Variants in IL7R observed in about 807,000 individuals in gnomAD.
The protein encoded by IL7R is interleukin-7 receptor subunit alpha.
Under a neutral mutation model 47.0 loss-of-function variants are expected in IL7R, and 38 were observed. That is an observed-to-expected ratio of 0.81 (90% CI 0.62 to 1.06). The LOEUF is 1.06. IL7R is among the 50% of genes least tolerant of loss of function. The pLI, the probability that IL7R is intolerant of heterozygous loss-of-function variation, is 0.00. For missense variants in IL7R, 633 were observed against 534.8 expected (o/e 1.18, Z -1.81); for synonymous variants, 221 against 199.8 (o/e 1.11, Z -0.89).
intron 3 of IL7R, among the ~76,000 whole-genome samples, chr5:35,870,661 A>T (rs904069063): frequency 2.0e-5 from 3 of 152,196 alleles, no homozygotes; most frequent in African/African-American, 4.8e-5. Context: ...CTCACATCAG[A>T]GTCAAAATGG....
chr5:35,862,521 A>C (rs1007011311), intron 2 of IL7R, among the ~76,000 whole-genome samples: 4 of 152,146 alleles, frequency 2.6e-5, no homozygotes, highest in African/African-American at 9.7e-5. Flanking sequence ...CAGATATTTC[A>C]GTTGGAAAGG....
At chr5:35,875,220 G>T (rs1315155729) in intron 6 of IL7R, among the ~76,000 whole-genome samples, 2 of 152,178 alleles carry the variant, frequency 1.3e-5, no homozygotes, top group African/African-American at 4.8e-5. Context: ...TTACCTCCTT[G>T]CAAGCCTTGG....
chr5:35,870,001 G>C (rs1036658880), intron 3 of IL7R, among the ~76,000 whole-genome samples: 3 of 152,150 alleles, frequency 2.0e-5, no homozygotes, highest in African/African-American at 7.2e-5. Flanking sequence ...ATTTTATTGG[G>C]CCGGCAAGTA....
At chr5:35,857,133 CAG>C in intron 1 of IL7R, 74 bp downstream of exon 1, 1 of 933,236 alleles carries the variant, frequency 1.1e-6, no homozygotes, top group South Asian at 1.3e-5. Context: ...AGTTCCCTAA[CAG>C]ACCTGAGTCA....
intron 4 of IL7R, among the ~76,000 whole-genome samples, chr5:35,871,766 G>A (rs891843410): frequency 6.6e-6 from 1 of 152,172 alleles, no homozygotes; most frequent in Admixed American, 6.5e-5. Flanking sequence ...ATTTGTTGAG[G>A]TTGGAATGAT....
At chr5:35,870,571 A>C (rs938414652) in intron 3 of IL7R, among the ~76,000 whole-genome samples, 1 of 152,250 alleles carries the variant, frequency 6.6e-6, no homozygotes, top group Non-Finnish European at 1.5e-5. Context: ...GATGTGTTTT[A>C]GTGTAAAATT....
At chr5:35,863,648 T>C (rs1490031974) in intron 2 of IL7R, among the ~76,000 whole-genome samples, 1 of 152,016 alleles carries the variant, frequency 6.6e-6, no homozygotes, top group African/African-American at 2.4e-5. Context: ...GCCCAGATCT[T>C]CACTTCCAAT....
rs781675111 is a variant in IL7R at position 35,867,410 on chromosome 5, T to C, written c.326T>C (p.Val109Ala). 1 of 1,613,430 alleles carries C rather than the reference T, an allele frequency of 6.2e-7. No homozygotes were observed. The highest frequency in any genetic ancestry group is 1.1e-5 in the South Asian group (1 of 91,060). ...CTGATTGGAAAGAGCAATATATGTG[T>C]GAAGGTTGGAGAAAAGAGTCTAACC... ...FLLIGKSNIC[V>A]KVGEKSLTCK... Residue 109 changes from valine (V) to alanine (A), a missense_variant, in exon 3 of 8, where the codon GTG becomes GCG. By Grantham distance (64) the Val-to-Ala change is moderately conservative. Coordinates refer to ENST00000303115, the MANE Select transcript of IL7R (RefSeq NM_002185.5).
Position 35,877,591 on chromosome 5 carries a change from C to T in IL7R, c.*1105C>T, listed in dbSNP as rs563697159. The stretch of plus-strand genomic sequence containing the variant: ...GAGTGAGAGGAGGCATGACCCCTCC[C>T]ATGTGTATAGACACTACCCCAACCT... On this transcript the variant is annotated 3_prime_UTR_variant, in exon 8 of 8. Coordinates refer to ENST00000303115, the MANE Select transcript of IL7R (RefSeq NM_002185.5). The T allele has an allele frequency of 1.3e-5, 3 of 233,132 alleles. No individual in the cohort carries two copies. Among genetic ancestry groups the T allele is most frequent in the African/African-American group, 6.6e-5 (3 of 45,436 alleles). The allele number at this position is 233,132 out of a possible 1,614,324, so 14.4% of individuals were successfully genotyped here.
intron 1 of IL7R, among the ~76,000 whole-genome samples, chr5:35,857,962 G>C (rs981541114): frequency 1.3e-5 from 2 of 152,120 alleles, no homozygotes; most frequent in African/African-American, 2.4e-5. Context: ...ATGTAATTAC[G>C]AAGGATGGAA....
chr5:35,871,749 C>A (rs749429110), intron 4 of IL7R, among the ~76,000 whole-genome samples: 5 of 152,140 alleles, frequency 3.3e-5, no homozygotes, highest in Non-Finnish European at 7.3e-5. Context: ...TAGATGCTCT[C>A]TTCATGATTT....
chr5:35,872,181 A>C (rs1224243103), intron 4 of IL7R, among the ~76,000 whole-genome samples: 1 of 152,218 alleles, frequency 6.6e-6, no homozygotes, highest in Non-Finnish European at 1.5e-5. Flanking sequence ...ACTAAAAAGA[A>C]AAATAGATAA....
intron 3 of IL7R, among the ~76,000 whole-genome samples, chr5:35,870,560 G>A (rs900295514): frequency 6.6e-6 from 1 of 152,210 alleles, no homozygotes; most frequent in Admixed American, 6.5e-5. Flanking sequence ...AAGGCAAAGT[G>A]GATGTGTTTT....
intron 2 of IL7R, among the ~76,000 whole-genome samples, chr5:35,861,757 C>T (rs973041433): frequency 6.6e-6 from 1 of 152,142 alleles, no homozygotes; most frequent in Non-Finnish European, 1.5e-5. Context: ...TTATCTTCTC[C>T]TTCTCCTTCA....
At chr5:35,860,331 A>C (rs561097120) in intron 1 of IL7R, among the ~76,000 whole-genome samples, 17 of 152,328 alleles carry the variant, frequency 1.1e-4, no homozygotes, top group Admixed American at 5.2e-4. Context: ...CTCTTAAAAA[A>C]GCAAAATTCT....
At chr5:35,862,950 T>G (rs767553653) in intron 2 of IL7R, among the ~76,000 whole-genome samples, 1 of 152,106 alleles carries the variant, frequency 6.6e-6, no homozygotes, top group Non-Finnish European at 1.5e-5. Flanking sequence ...AACATTACCA[T>G]CTTCAGATCT....
chr5:35,867,528 C>T (rs746651789), intron 3 of IL7R, 65 bp downstream of exon 3: 1 of 1,299,486 alleles, frequency 7.7e-7, no homozygotes, highest in Non-Finnish European at 1.1e-6. Context: ...TGTGTCTGGA[C>T]ATTCTGTAGG....
Position 35,874,446 on chromosome 5 carries a change from C to T in IL7R, c.707-3C>T. 6.2e-7 allele frequency: 1 copy of T among 1,600,094 alleles called. No homozygotes were observed. The highest frequency in any genetic ancestry group is 8.6e-7 in the Non-Finnish European group (1 of 1,167,190). ...CTCACCACAATCTATTCTTGCTTTC[C>T]AGGGGAGATGGATCCTATCTTACTA... On this transcript the variant is annotated splice_region_variant and splice_polypyrimidine_tract_variant and intron_variant, in intron 5 of 7. Coordinates refer to ENST00000303115, the MANE Select transcript of IL7R (RefSeq NM_002185.5).
At position 35,860,868 on chromosome 5, in the gene IL7R, A is replaced by G. The variant is rs992083666; in HGVS notation, c.99A>G (p.Ala33=). The G allele has an allele frequency of 1.9e-6, 3 of 1,613,648 alleles. No homozygotes were observed. The highest frequency in any genetic ancestry group is 2.5e-6 in the Non-Finnish European group (3 of 1,179,596). The change falls in exon 2 of 8, where the codon GCA becomes GCG. Residue 33 remains alanine (A), a synonymous_variant. Coordinates refer to ENST00000303115, the MANE Select transcript of IL7R (RefSeq NM_002185.5). The part of the protein sequence containing the change: ...GYAQNGDLED[A]ELDDYSFSCY... ...CCTCCCCAGGAGACTTGGAAGATGC[A>G]GAACTGGATGACTACTCATTCTCAT...
Sources: allele counts gnomAD v4.1 joint callset (sites outside exome capture counted in the v4.1 genomes callset), GRCh38; gene constraint gnomAD v4.1.1; transcripts MANE v1.5; gene names NCBI Gene and HGNC (gene_info 2026-07-23, HGNC 2026-07-21).